The following EIF4E3 variants were observed in gnomAD, a reference collection of about 807,000 sequenced individuals.
EIF4E3 encodes the protein eukaryotic translation initiation factor 4E family member 3, also known as eukaryotic translation initiation factor 4E type 3.
A neutral mutation model predicts 31.7 loss-of-function variants in EIF4E3; 26 were observed. That is an observed-to-expected ratio of 0.82 (90% CI 0.60 to 1.14). The LOEUF (loss-of-function observed/expected upper bound fraction) is 1.14, where lower values mean the gene tolerates loss of function less well. Among genes scored for constraint, EIF4E3 ranks in the 50% most tolerant of loss-of-function variants. The probability of loss-of-function intolerance (pLI) is 0.00; values close to 1 mark genes in which losing one functional copy is unlikely to be tolerated. For missense variants in EIF4E3, 304 were observed against 270.9 expected, an observed-to-expected ratio of 1.12 and a Z score of -0.86; for synonymous variants, 128 against 107.7, an observed-to-expected ratio of 1.19 and a Z score of -1.17.
downstream of EIF4E3, among the ~76,000 whole-genome samples, chr3:71,672,195 T>C (rs2048850273): frequency 6.6e-6 from 1 of 152,120 alleles, no homozygotes; most frequent in Non-Finnish European, 1.5e-5. Context: ...TAACCAAACG[T>C]GGGCTCTCTC....
intron 2 of EIF4E3, among the ~76,000 whole-genome samples, chr3:71,709,028 C>A (rs541857756): frequency 6.6e-6 from 1 of 152,216 alleles, no homozygotes; most frequent in African/African-American, 2.4e-5. Context: ...CAATCAGATT[C>A]CTGGGACTTC....
At chr3:71,748,109 A>G (rs755135000) in intron 1 of EIF4E3, among the ~76,000 whole-genome samples, 8 of 152,116 alleles carry the variant, frequency 5.3e-5, no homozygotes, top group Non-Finnish European at 8.8e-5. Context: ...TATTTTTTCC[A>G]AACACCTGAA....
At chr3:71,727,229 G>A (rs982258681), upstream of EIF4E3, among the ~76,000 whole-genome samples, 1 of 152,166 alleles carries the variant, frequency 6.6e-6, no homozygotes, top group Admixed American at 6.5e-5. Context: ...CATTCCCAGA[G>A]GAAACCACTG....
chr3:71,731,875 C>T (rs147342178), intron 1 of EIF4E3, among the ~76,000 whole-genome samples: 4 of 152,144 alleles, frequency 2.6e-5, no homozygotes, highest in East Asian at 3.9e-4. Flanking sequence ...AATGCATTTG[C>T]GAGTATATTT....
the EIF4E3 span, among the ~76,000 whole-genome samples, chr3:71,661,974 C>T: frequency 2.0e-5 from 3 of 152,064 alleles, no homozygotes; most frequent in South Asian, 2.1e-4. Context: ...CACTTTGCCT[C>T]GCTAGATAAG....
rs968637028 is a variant in EIF4E3, at chr3:71,696,472, G to A, written c.393C>T (p.Pro131=). The stretch of plus-strand genomic sequence containing the variant: ...AGTAGGAACCTACCGTGCTGTCCTT[G>A]GGGACTTTCATCTTCCATACGCCAC... ...AKGGVWKMKV[P]KDSTSTVWKE... The change falls in exon 4 of 7, where the codon CCC becomes CCT. Residue 131 remains proline, a synonymous_variant. Coordinates refer to ENST00000425534, the MANE Select transcript of EIF4E3 (RefSeq NM_001134651.2). 1 of 1,614,046 alleles carries A rather than the reference G, an allele frequency of 6.2e-7. No homozygotes were observed.
At chr3:71,750,746 C>G (rs34586454) in intron 1 of EIF4E3, among the ~76,000 whole-genome samples, 21,245 of 150,594 alleles carry the variant, frequency 0.14, 1,793 homozygotes, top group South Asian at 0.35. Context: ...ATAGGGAGAC[C>G]CCATCTCTAC....
Position 71,721,977 on chromosome 3 carries a change from G to A in EIF4E3, c.176+3215C>T, listed in dbSNP as rs573730805. On this transcript the variant is annotated intron_variant, in intron 1 of 6. Transcript: ENST00000425534. ...ATGAAGGCGAAAGAGCAAGGGGACC[G>A]ATGAGCAGAAAGAAGGGCATGGCAG... Among the ~76,000 whole-genome samples the A allele has an allele frequency of 4.0e-5, 6 of 150,702 alleles. No individual in the cohort carries two copies. The East Asian group carries it at 5.8e-4, about 15-fold the overall frequency.
intron 2 of EIF4E3, among the ~76,000 whole-genome samples, chr3:71,703,051 A>T (rs1380466873): frequency 6.6e-6 from 1 of 152,252 alleles, no homozygotes; most frequent in Non-Finnish European, 1.5e-5. Context: ...CAAATCCAAG[A>T]TTGCAGTAAA....
intron 3 of EIF4E3, among the ~76,000 whole-genome samples, chr3:71,696,979 A>G (rs1192399492): frequency 6.6e-6 from 1 of 150,778 alleles, no homozygotes; most frequent in Non-Finnish European, 1.5e-5. Flanking sequence ...CGGCCTCCCA[A>G]AGCGCTGGGA....
chr3:71,683,437 CAA>C lies in EIF4E3; in HGVS notation c.*1243_*1244del, dbSNP rs2048947785. ...CTGCCCTTTATCAGGCAAAAGCAGC[CAA>C]AGGCTTGGCAAAGTCAGGAGAGGGA... On this transcript the variant is annotated 3_prime_UTR_variant, in exon 7 of 7. Coordinates refer to ENST00000425534, the MANE Select transcript of EIF4E3 (RefSeq NM_001134651.2). 6.6e-6 allele frequency: 1 copy of C among 152,210 alleles called. No homozygotes were observed. Among genetic ancestry groups the C allele is most frequent in the African/African-American group, 2.4e-5 (1 of 41,450 alleles). 9.4% of individuals were successfully genotyped at this position (152,210 alleles called of 1,614,324 possible). A position where few individuals can be genotyped will look rare whatever the true frequency, so the allele number is the denominator to read the frequency against.
At chr3:71,667,889 A>T in the EIF4E3 span, among the ~76,000 whole-genome samples, 1 of 152,358 alleles carries the variant, frequency 6.6e-6, no homozygotes, top group Non-Finnish European at 1.5e-5. Context: ...TCTTCATAGA[A>T]TTAGAAAAAA....
At chr3:71,698,131 T>C (rs760230581) in intron 3 of EIF4E3, among the ~76,000 whole-genome samples, 3 of 152,206 alleles carry the variant, frequency 2.0e-5, no homozygotes, top group Non-Finnish European at 4.4e-5. Context: ...ATTGGGCATT[T>C]TTCAATAAAC....
intron 4 of EIF4E3, among the ~76,000 whole-genome samples, chr3:71,694,661 C>T (rs1012585285): frequency 6.6e-6 from 1 of 152,180 alleles, no homozygotes; most frequent in African/African-American, 2.4e-5. Context: ...TCCCATTTAT[C>T]CTCCTTCCTG....
At position 71,742,628 on chromosome 3, in the gene EIF4E3, T is replaced by C. The variant is rs145334264; in HGVS notation, c.-291+10835A>G. Among the ~76,000 whole-genome samples the C allele has an allele frequency of 3.3e-5, 5 of 152,204 alleles. No homozygotes were observed. The East Asian group carries it at 7.7e-4, about 23-fold the overall frequency. ...GAGAATACATTCCAAGTCATTCTATTAGATCACCTTCATCCTGAACCAAAA... is the reference window on the plus strand; with the variant it reads ...GAGAATACATTCCAAGTCATTCTATCAGATCACCTTCATCCTGAACCAAAA... On this transcript the variant is annotated intron_variant, in intron 1 of 7. Coordinates refer to the EIF4E3 transcript ENST00000295612.
Position 71,725,371 on chromosome 3 carries a change from C to T in EIF4E3, c.-4G>A. 1 of 977,058 alleles carries T rather than the reference C, an allele frequency of 1.0e-6. No individual in the cohort carries two copies. Among genetic ancestry groups the T allele is most frequent in the Non-Finnish European group, 1.2e-6 (1 of 825,938 alleles). 60.5% of individuals were successfully genotyped at this position (977,058 alleles called of 1,614,324 possible). ...CGGCGGCCGGGGGCAGCGCCATTTTCTCCGCCCCGCCTGCAAGGCCGGCGG... is the reference window on the plus strand; with the variant it reads ...CGGCGGCCGGGGGCAGCGCCATTTTTTCCGCCCCGCCTGCAAGGCCGGCGG... On this transcript the variant is annotated 5_prime_UTR_variant, in exon 1 of 7. Coordinates refer to ENST00000425534, the MANE Select transcript of EIF4E3 (RefSeq NM_001134651.2). The surrounding 1 kb of genome is among the most constrained non-coding windows in gnomAD (Gnocchi z 6.1).
At chr3:71,752,232 A>C (rs1248601171) in intron 1 of EIF4E3, among the ~76,000 whole-genome samples, 2 of 152,146 alleles carry the variant, frequency 1.3e-5, no homozygotes, top group Admixed American at 1.3e-4. Context: ...TTCCAGAACT[A>C]CTAAATCAGA....
chr3:71,696,401 A>G lies in EIF4E3; in HGVS notation c.405+59T>C. Reference sequence around the variant, plus strand: ...ATCTGCAAAGCACAAAATGCTGATGACAGGCAGTCAACAACTCCAAGCCTC... The same window carrying G: ...ATCTGCAAAGCACAAAATGCTGATGGCAGGCAGTCAACAACTCCAAGCCTC... On this transcript the variant is annotated intron_variant, in intron 4 of 6. Transcript: ENST00000425534. The G allele has an allele frequency of 4.4e-6, 7 of 1,591,792 alleles. No individual in the cohort carries two copies. The South Asian group carries it at 6.7e-5, about 15-fold the overall frequency.
In EIF4E3 at chr3:71,679,247, A is replaced by G. The variant is rs879209245; in HGVS notation, c.*5435T>C. The G allele has an allele frequency of 2.0e-5, 3 of 152,354 alleles. No individual in the cohort carries two copies. In the South Asian group the frequency reaches 6.2e-4, roughly 32 times the overall value. The allele number at this position is 152,354 out of a possible 1,614,324, so 9.4% of individuals were successfully genotyped here. On this transcript the variant is annotated 3_prime_UTR_variant, in exon 7 of 7. Transcript: ENST00000425534. ...ATTTGTATGTGAAAAGATGAGAGGT[A>G]GCATAAATTTTCTATAGAAAACTCA...
Sources: gnomAD v4.1 joint callset for allele counts (sites outside exome capture counted in the v4.1 genomes callset) on GRCh38, gnomAD v4.1.1 for gene constraint, Gnocchi (gnomAD v3.1) non-coding constraint, MANE v1.5 for transcripts, NCBI Gene and HGNC (gene_info 2026-07-23, HGNC 2026-07-21) for gene names.